The following PKP4 variants were observed in gnomAD, a reference collection of about 807,000 sequenced individuals.
PKP4 encodes plakophilin 4.
A neutral mutation model predicts 145.1 loss-of-function variants in PKP4; 90 were observed. That is an observed-to-expected ratio of 0.62 (90% CI 0.52 to 0.74). The LOEUF is 0.74. Among genes scored for constraint, PKP4 ranks in the 30% least tolerant of loss-of-function variants. The pLI is 0.00. For synonymous variants in PKP4, 563 were observed against 577.2 expected, an observed-to-expected ratio of 0.98 and a Z score of 0.35; for missense variants, 1,340 against 1,482.7, an observed-to-expected ratio of 0.90 and a Z score of 1.58.
chr2:158,670,361 G>A (rs2057451903), intron 17 of PKP4, among the ~76,000 whole-genome samples: 2 of 152,166 alleles, frequency 1.3e-5, no homozygotes, highest in African/African-American at 4.8e-5. Context: ...GGAGGGAGAG[G>A]TCTCAGGCCT....
In PKP4 at chr2:158,602,979, G is replaced by A. The variant is rs975235497; in HGVS notation, c.246-91G>A. 58 of 647,962 alleles carry A rather than the reference G, an allele frequency of 9.0e-5. No individual in the cohort carries two copies. In the South Asian group the frequency reaches 1.1e-3, roughly 12 times the overall value. The allele number at this position is 647,962 out of a possible 1,614,324, so 40.1% of individuals were successfully genotyped here. ...TTGTGCTCTTGTATAATTTAATGTGGAAATTAAATGTTAATATGCAAAACA... is the reference window on the plus strand; with the variant it reads ...TTGTGCTCTTGTATAATTTAATGTGAAAATTAAATGTTAATATGCAAAACA... On this transcript the variant is annotated intron_variant, in intron 3 of 21. Transcript: ENST00000389759.
At chr2:158,659,382 G>T (rs1388281630) in intron 12 of PKP4, 2 of 152,308 alleles carry the variant, frequency 1.3e-5, no homozygotes, top group Non-Finnish European at 1.5e-5. Context: ...CCTGGGGCAG[G>T]ACTCACTGTA....
At chr2:158,520,383 C>T (rs762682853) in intron 1 of PKP4, among the ~76,000 whole-genome samples, 23 of 152,206 alleles carry the variant, frequency 1.5e-4, no homozygotes, top group African/African-American at 4.6e-4. Flanking sequence ...ATTTATACAT[C>T]GTAAAATTAT....
At chr2:158,574,739 T>G (rs2047700649) in intron 2 of PKP4, among the ~76,000 whole-genome samples, 1 of 152,198 alleles carries the variant, frequency 6.6e-6, no homozygotes, top group Admixed American at 6.5e-5. Context: ...GTACTACTTG[T>G]GAGAAGTTGT....
chr2:158,641,809 T>C (rs2054310598), intron 10 of PKP4, among the ~76,000 whole-genome samples: 1 of 152,208 alleles, frequency 6.6e-6, no homozygotes, highest in Non-Finnish European at 1.5e-5. Flanking sequence ...TTTCCTATAT[T>C]GCCTCAAGCC....
intron 3 of PKP4, among the ~76,000 whole-genome samples, chr2:158,580,971 G>A (rs759634724): frequency 4.6e-5 from 7 of 152,154 alleles, no homozygotes; most frequent in African/African-American, 7.2e-5. Flanking sequence ...AGAGCCTGGC[G>A]CTCAGCAAGT....
chr2:158,498,814 G>GTTTTTT (rs34272669), intron 1 of PKP4, among the ~76,000 whole-genome samples: 1 of 131,170 alleles, frequency 7.6e-6, no homozygotes, highest in Non-Finnish European at 1.6e-5. Flanking sequence ...GGTTGTGAGT[G>GTTTTTT]TTTTTTTTTT....
chr2:158,466,618 T>C (rs979208388), intron 1 of PKP4, among the ~76,000 whole-genome samples: 1 of 151,798 alleles, frequency 6.6e-6, no homozygotes, highest in Non-Finnish European at 1.5e-5. Context: ...GGTGAGAGAA[T>C]CACGTGAACC....
In PKP4 at chr2:158,663,013, T is replaced by C. The variant is rs1185593595; in HGVS notation, c.2328T>C (p.Ser776=). Reference sequence around the variant, plus strand: ...TGGATGACTTACTAGGAAAAGAGTCTCCCAGCAAAGACTCTGAGCCAAGTT... The same window carrying C: ...TGGATGACTTACTAGGAAAAGAGTCCCCCAGCAAAGACTCTGAGCCAAGTT... ...NELDDLLGKE[S]PSKDSEPSCW... Residue 776 remains serine, a synonymous_variant, in exon 14 of 22, where the codon TCT becomes TCC. Transcript: ENST00000389759. The C allele has an allele frequency of 9.9e-6, 16 of 1,613,774 alleles. No homozygotes were observed. The highest frequency in any genetic ancestry group is 1.4e-5 in the Non-Finnish European group (16 of 1,179,942).
intron 1 of PKP4, among the ~76,000 whole-genome samples, chr2:158,471,002 AAACAGCATGCTTGCTACAAACAC>A (rs1323743582): frequency 6.6e-6 from 1 of 152,160 alleles, no homozygotes; most frequent in African/African-American, 2.4e-5. Flanking sequence ...CCCAATTTAA[AAACAGCATGCTTGCTACAAACAC>A]AGCTTCAATG....
At chr2:158,560,879 G>C (rs115812882) in intron 2 of PKP4, among the ~76,000 whole-genome samples, 1 of 152,148 alleles carries the variant, frequency 6.6e-6, no homozygotes, top group East Asian at 1.9e-4. Flanking sequence ...CCTAGCGTCA[G>C]ATCCAAGTTG....
At chr2:158,604,031 C>T (rs556453772) in intron 4 of PKP4, among the ~76,000 whole-genome samples, 1 of 152,282 alleles carries the variant, frequency 6.6e-6, no homozygotes, top group Admixed American at 6.5e-5. Flanking sequence ...GTTGATGAGG[C>T]AGAAACGTGA....
At chr2:158,516,698 T>C (rs555819812) in intron 1 of PKP4, among the ~76,000 whole-genome samples, 9 of 151,606 alleles carry the variant, frequency 5.9e-5, no homozygotes, top group African/African-American at 2.2e-4. Context: ...CCGCTCTTGT[T>C]GCCCAGGCTA....
At chr2:158,458,337 T>C (rs1689200035) in intron 1 of PKP4, 1 of 152,408 alleles carries the variant, frequency 6.6e-6, no homozygotes. Context: ...TCTCCTCCCA[T>C]AGCTTCCCTC....
chr2:158,533,214 G>A lies in PKP4; in HGVS notation c.30G>A (p.Val10=). 1 of 1,613,568 alleles carries A rather than the reference G, an allele frequency of 6.2e-7. No individual in the cohort carries two copies. The highest frequency in any genetic ancestry group is 1.3e-5 in the African/African-American group (1 of 75,032). ...CAGCTCCTGAGCAGGCCTCATTGGT[G>A]GAGGAGGGGCAACCACAGACCCGCC... MPAPEQASL[V]EEGQPQTRQE... Residue 10 remains valine, a synonymous_variant, in exon 2 of 22, where the codon GTG becomes GTA. Coordinates refer to ENST00000389759, the MANE Select transcript of PKP4 (RefSeq NM_003628.6).
At position 158,566,825 on chromosome 2, in the gene PKP4, TGCAA is replaced by T. The variant is rs527566655; in HGVS notation, c.133-10445_133-10442del. 1.3e-3 allele frequency among the ~76,000 whole-genome samples: 198 copies of T among 152,186 alleles called. 1 individual carries two copies. Among genetic ancestry groups the T allele is most frequent in the African/African-American group, 4.5e-3 (189 of 41,540 alleles). On this transcript the variant is annotated intron_variant, in intron 2 of 21. Coordinates refer to ENST00000389759, the MANE Select transcript of PKP4 (RefSeq NM_003628.6). Reference sequence around the variant, plus strand: ...AGACTGAACTAGAATTATTTATATCTGCAAACACACACACACACAGCACACATAT... The same window carrying T: ...AGACTGAACTAGAATTATTTATATCTACACACACACACACAGCACACATAT...
At chr2:158,505,652 A>G (rs1274716986) in intron 1 of PKP4, among the ~76,000 whole-genome samples, 1 of 152,082 alleles carries the variant, frequency 6.6e-6, no homozygotes, top group African/African-American at 2.4e-5. Context: ...GGTGGGTGAT[A>G]GGAGAAGTGA....
At chr2:158,475,807 C>T (rs1692377051) in intron 1 of PKP4, among the ~76,000 whole-genome samples, 1 of 151,910 alleles carries the variant, frequency 6.6e-6, no homozygotes, top group African/African-American at 2.4e-5. Flanking sequence ...CCCATATCCA[C>T]CTACCAGATA....
intron 11 of PKP4, among the ~76,000 whole-genome samples, chr2:158,647,078 G>A (rs2054901509): frequency 6.6e-6 from 1 of 152,166 alleles, no homozygotes. Flanking sequence ...TCTGAACTCA[G>A]GCTGAAGGTG....
Sources: allele counts gnomAD v4.1 joint callset (sites outside exome capture counted in the v4.1 genomes callset), GRCh38; gene constraint gnomAD v4.1.1; transcripts MANE v1.5; gene names NCBI Gene and HGNC (gene_info 2026-07-23, HGNC 2026-07-21).